The following WDR90 variants were observed in gnomAD, a reference collection of about 807,000 sequenced individuals.
WDR90 encodes the protein WD repeat domain 90.
WDR90 carries 238 observed loss-of-function variants against 195.2 expected under a neutral mutation model. That is an observed-to-expected ratio of 1.22 (90% confidence interval 1.10 to 1.36). WDR90 has a LOEUF of 1.36. WDR90 is among the 40% of genes most tolerant of loss of function. The pLI is 0.00. For synonymous variants in WDR90, 1,265 were observed against 1,052.4 expected (o/e 1.20, Z -3.91); for missense variants, 2,734 against 2,439.5 (o/e 1.12, Z -2.54).
At chr16:649,935 G>A in intron 2 of WDR90, 56 bp from the exon 3 acceptor site, 1 of 1,602,118 alleles carries the variant, frequency 6.2e-7, no homozygotes, top group Non-Finnish European at 8.5e-7. Flanking sequence ...GGGCCCCCTC[G>A]CCCCCGCTGC....
intron 5 of WDR90, 124 bp downstream of exon 5, chr16:650,833 A>G (rs1178344526): frequency 5.4e-6 from 8 of 1,493,904 alleles, no homozygotes; most frequent in Non-Finnish European, 7.3e-6. Context: ...AGCTCTGGCC[A>G]GAACCCATCC....
chr16:652,260 G>C, intron 9 of WDR90: 1 of 790,414 alleles, frequency 1.3e-6, no homozygotes, highest in East Asian at 2.7e-5. Flanking sequence ...GTCAGCCCCA[G>C]GTGGTCTGTG....
At position 665,264 on chromosome 16, in the gene WDR90, GCCTC is replaced by G. The variant is rs2037998438; in HGVS notation, c.4312-414_4312-411del. The stretch of plus-strand genomic sequence containing the variant: ...CGCACGGCCACACTCCTGTCTTTCA[GCCTC>G]AGTCTGCAGCCTGCTAGGGACGCAC... On this transcript the variant is annotated intron_variant, in intron 34 of 40. Coordinates refer to ENST00000293879, the MANE Select transcript of WDR90 (RefSeq NM_145294.5). 8.5e-5 allele frequency: 21 copies of G among 246,978 alleles called. 5 individuals carry two copies. The East Asian group carries it at 5.7e-3, about 67-fold the overall frequency. The allele number at this position is 246,978 out of a possible 1,614,324, so 15.3% of individuals were successfully genotyped here. A position where few individuals can be genotyped will look rare whatever the true frequency, so the allele number is the denominator to read the frequency against.
chr16:649,140 A>C, upstream of WDR90: 1 of 367,560 alleles, frequency 2.7e-6, no homozygotes, highest in Non-Finnish European at 4.8e-6. Context: ...AGGATCCGCA[A>C]CCGGCGCGGG....
rs771116354 is a variant in WDR90 at position 660,561 on chromosome 16, C to T, written c.3289-51C>T. ...AGCCTCCCATGTGCAGGCTTTGGGG[C>T]ACAGGTGGCCATGCTGGGCCCCAGC... On this transcript the variant is annotated intron_variant, in intron 27 of 40. Transcript: ENST00000293879. 2.5e-5 allele frequency: 38 copies of T among 1,530,358 alleles called. 1 individual carries two copies. In the Middle Eastern group the frequency reaches 2.4e-3, roughly 95 times the overall value. 94.8% of individuals were successfully genotyped at this position (1,530,358 alleles called of 1,614,324 possible).
At chr16:660,026 T>C (rs2037861139) in intron 26 of WDR90, 32 bp from the exon 27 acceptor site, 1 of 1,491,412 alleles carries the variant, frequency 6.7e-7, no homozygotes, top group African/African-American at 1.4e-5. Context: ...CAGGGCAGTG[T>C]AATGCCACAA....
In WDR90 at chr16:657,876, C is replaced by T. The variant is rs372086976; in HGVS notation, c.2588C>T (p.Ser863Leu). Residue 863 changes from serine (S) to leucine (L), a missense_variant, in exon 21 of 41, where the codon TCG becomes TTG. Ser to Leu is a moderately radical substitution (Grantham distance 145). Transcript: ENST00000293879. ...PSRCTVTVMGSASLDELLRVD... is the reference protein window; with the variant it reads ...PSRCTVTVMGLASLDELLRVD... ...AGGTGCACAGTGACAGTCATGGGCT[C>T]GGCCTCCCTTGATGAGGTGAGTCCG... is the stretch of plus-strand genomic sequence containing the variant. 71 of 1,583,924 alleles carry T rather than the reference C, an allele frequency of 4.5e-5. No individual in the cohort carries two copies. Among genetic ancestry groups the T allele is most frequent in the Admixed American group, 1.8e-4 (10 of 55,536 alleles).
chr16:667,276 G>C lies in WDR90; in HGVS notation c.5090-156G>C, dbSNP rs988438217. ...CAGCCTGGCAGTGATGGACCCCCTA[G>C]TCCCAGTGGCACGTGGAGGGCACAG... On this transcript the variant is annotated intron_variant, in intron 40 of 40. Coordinates refer to ENST00000293879, the MANE Select transcript of WDR90 (RefSeq NM_145294.5). Among the ~76,000 whole-genome samples, 3 of 152,326 alleles carry C rather than the reference G, an allele frequency of 2.0e-5. No individual in the cohort carries two copies. The East Asian group carries it at 5.8e-4, about 29-fold the overall frequency.
rs371681442 is a variant in WDR90, at chr16:654,086, G to A, written c.1437+283G>A. The A allele has an allele frequency of 1.2e-4, 58 of 468,738 alleles. 1 individual carries two copies. Among genetic ancestry groups the A allele is most frequent in the East Asian group, 8.8e-4 (26 of 29,496 alleles). The allele number at this position is 468,738 out of a possible 1,614,324, so 29.0% of individuals were successfully genotyped here. On this transcript the variant is annotated intron_variant, in intron 13 of 40. Coordinates refer to ENST00000293879, the MANE Select transcript of WDR90 (RefSeq NM_145294.5). Reference sequence around the variant, plus strand: ...GCCTCGTTCTCTCTGCTGGTGATGCGGTTGTAAGATTTTCACGTGGCAGAG... The same window carrying A: ...GCCTCGTTCTCTCTGCTGGTGATGCAGTTGTAAGATTTTCACGTGGCAGAG...
chr16:658,057 T>C, intron 21 of WDR90, 126 bp from the exon 22 acceptor site: 8 of 1,460,708 alleles, frequency 5.5e-6, no homozygotes, highest in Non-Finnish European at 7.3e-6. Flanking sequence ...GCCAGGTTCC[T>C]GTGCAGGGCA....
chr16:662,857 C>T lies in WDR90; in HGVS notation c.4311+13C>T, dbSNP rs376010428. On this transcript the variant is annotated intron_variant, in intron 34 of 40. Transcript: ENST00000293879. ...CCACAGGAGCAAGGTGAGGGACTTC[C>T]AGCCTGGGCAGAGGCGGGGCAGCCG... 12 of 1,546,274 alleles carry T rather than the reference C, an allele frequency of 7.8e-6. No homozygotes were observed. Among genetic ancestry groups the T allele is most frequent in the Admixed American group, 3.9e-5 (2 of 51,466 alleles).
chr16:667,652 C>A lies in WDR90; in HGVS notation c.*63C>A, dbSNP rs752539405. The A allele has an allele frequency of 2.7e-5, 43 of 1,592,546 alleles. No homozygotes were observed. Among genetic ancestry groups the A allele is most frequent in the Non-Finnish European group, 3.6e-5 (42 of 1,176,722 alleles). On this transcript the variant is annotated 3_prime_UTR_variant, in exon 41 of 41. Coordinates refer to ENST00000293879, the MANE Select transcript of WDR90 (RefSeq NM_145294.5). ...GTCATGCCAGGCACCTGGACACAGG[C>A]TTGGCAGAGGCGCCAGGTTGTCAAT...
Position 655,335 on chromosome 16 carries a change from C to T in WDR90, c.1585C>T (p.Arg529Trp), listed in dbSNP as rs1482053044. Residue 529 changes from arginine to tryptophan, a missense_variant, in exon 15 of 41, where the codon CGG (arginine) becomes TGG (tryptophan). Coordinates refer to ENST00000293879, the MANE Select transcript of WDR90 (RefSeq NM_145294.5). ...RMASCGQGSV[R>W]LWRLRGGVLR... ...GGCGTCGTGCGGGCAGGGCAGTGTG[C>T]GGCTCTGGCGGCTGCGTGGCGGGGT... The T allele has an allele frequency of 1.2e-5, 20 of 1,603,312 alleles. No individual in the cohort carries two copies. Among genetic ancestry groups the T allele is most frequent in the Middle Eastern group, 3.3e-4 (2 of 6,078 alleles).
At chr16:653,482 C>G in intron 11 of WDR90, 31 bp downstream of exon 11, 1 of 1,612,500 alleles carries the variant, frequency 6.2e-7, no homozygotes, top group Non-Finnish European at 8.5e-7. Flanking sequence ...GGGCAGCTCA[C>G]ACCTGCAGCC....
At position 653,680 on chromosome 16, in the gene WDR90, G is replaced by A. The variant is rs913710780; in HGVS notation, c.1379+10G>A. 1 of 1,613,356 alleles carries A rather than the reference G, an allele frequency of 6.2e-7. No individual in the cohort carries two copies. The highest frequency in any genetic ancestry group is 8.5e-7 in the Non-Finnish European group (1 of 1,179,878). On this transcript the variant is annotated intron_variant, in intron 12 of 40. Coordinates refer to ENST00000293879, the MANE Select transcript of WDR90 (RefSeq NM_145294.5). ...TTGTCTGCTCTCTCAGGTGAGCACA[G>A]GTCTGCCCCATGCAGGGGGAGGGGG...
Position 658,517 on chromosome 16 carries a change from T to C in WDR90, c.2767-8T>C. 6.2e-7 allele frequency: 1 copy of C among 1,605,214 alleles called. No homozygotes were observed. ...GACACGGCATTTCCCAAGAGCACTG[T>C]GTTCCAGCTGCCCGGTGTCCACCCT... On this transcript the variant is annotated splice_polypyrimidine_tract_variant and splice_region_variant and intron_variant, in intron 22 of 40. Transcript: ENST00000293879.
chr16:657,294 C>T lies in WDR90; in HGVS notation c.2473+73C>T, dbSNP rs1051247974. 1.8e-5 allele frequency: 26 copies of T among 1,460,388 alleles called. No individual in the cohort carries two copies. The East Asian group carries it at 3.0e-4, about 17-fold the overall frequency. 90.5% of individuals were successfully genotyped at this position (1,460,388 alleles called of 1,614,324 possible). ...GCCTGGATCTGGTGCAGGCCCACAC[C>T]TGGACACACATGCCGGTTTCCTGGT... is the stretch of plus-strand genomic sequence containing the variant. On this transcript the variant is annotated intron_variant, in intron 20 of 40. Transcript: ENST00000293879.
rs1158117256 is a variant in WDR90 at position 666,486 on chromosome 16, T to C, written c.4772T>C (p.Leu1591Pro). ...CEDLGVEGTDLWLAASGDQRV... is the reference protein window; with the variant it reads ...CEDLGVEGTDPWLAASGDQRV... The stretch of plus-strand genomic sequence containing the variant: ...GACTTAGGGGTGGAGGGCACAGACC[T>C]ATGGCTGGCTGCCAGTGGGGACCAG... The change falls in exon 38 of 41, where the codon CTA (leucine) becomes CCA (proline). Residue 1591 changes from leucine (L) to proline (P), a missense_variant. Transcript: ENST00000293879. The C allele has an allele frequency of 1.9e-6, 3 of 1,612,672 alleles. No homozygotes were observed. Among genetic ancestry groups the C allele is most frequent in the Admixed American group, 1.7e-5 (1 of 60,008 alleles).
chr16:661,283 C>T lies in WDR90; in HGVS notation c.3514-59C>T, dbSNP rs887260441. ...CCAAAGACGGAGCAGACGGCCACCC[C>T]AGCCTCCACTCCAGCCAGCCACGGC... On this transcript the variant is annotated intron_variant, in intron 29 of 40. Transcript: ENST00000293879. 3.2e-6 allele frequency: 5 copies of T among 1,540,700 alleles called. No individual in the cohort carries two copies. The East Asian group carries it at 9.2e-5, about 28-fold the overall frequency.
Sources: gnomAD v4.1 joint callset for allele counts (sites outside exome capture counted in the v4.1 genomes callset) on GRCh38, gnomAD v4.1.1 for gene constraint, MANE v1.5 for transcripts, NCBI Gene and HGNC (gene_info 2026-07-23, HGNC 2026-07-21) for gene names.